Variants in PCNT observed in about 807,000 individuals in gnomAD.
PCNT encodes the protein pericentrin, also known as kendrin.
PCNT carries 319 observed loss-of-function variants against 380.4 expected under a neutral mutation model. That is an observed-to-expected ratio of 0.84 (90% CI 0.77 to 0.92). PCNT has a LOEUF of 0.92. PCNT is among the 40% of genes least tolerant of loss of function. The pLI, the probability that PCNT is intolerant of heterozygous loss-of-function variation, is 0.00. For synonymous variants in PCNT, 1,845 were observed against 1,735.2 expected (o/e 1.06, Z -1.57); for missense variants, 4,400 against 4,255.3 (o/e 1.03, Z -0.95).
At chr21:46,381,198 G>C (rs7282944) in intron 15 of PCNT, among the ~76,000 whole-genome samples, 34 of 216 alleles carry the variant, frequency 0.16, no homozygotes, top group African/African-American at 0.34. Flanking sequence ...AAAAATCTCT[G>C]TGTGTGTGTG....
At chr21:46,355,193 C>CT (rs909247712) in intron 11 of PCNT, among the ~76,000 whole-genome samples, 45 of 152,216 alleles carry the variant, frequency 3.0e-4, no homozygotes, top group Admixed American at 6.5e-4. Context: ...CCCTGCCGCC[C>CT]TGAGGAGCAC....
At chr21:46,343,315 C>T (rs2083961919) in intron 3 of PCNT, among the ~76,000 whole-genome samples, 1 of 152,014 alleles carries the variant, frequency 6.6e-6, no homozygotes, top group African/African-American at 2.4e-5. Context: ...CCTTCTATGC[C>T]GATTTTGCTG....
intron 15 of PCNT, among the ~76,000 whole-genome samples, chr21:46,374,676 C>G (rs2085274709): frequency 6.6e-6 from 1 of 152,018 alleles, no homozygotes; most frequent in Non-Finnish European, 1.5e-5. Context: ...ACAGAGAAAC[C>G]CTGTCTTTAC....
At chr21:46,431,066 G>T in intron 37 of PCNT, 1 of 985,494 alleles carries the variant, frequency 1.0e-6, no homozygotes, top group Non-Finnish European at 1.2e-6. Context: ...GTCTGTGCCA[G>T]TTCCATGGGT....
chr21:46,402,243 C>G (rs967343017), intron 26 of PCNT, 88 bp from the exon 27 acceptor site: 6 of 919,104 alleles, frequency 6.5e-6, no homozygotes, highest in Non-Finnish European at 9.8e-6. Flanking sequence ...TTAAATATCT[C>G]AAAGCTATTT....
At chr21:46,409,869 CAGACGTG>C (rs1470538223) in intron 27 of PCNT, among the ~76,000 whole-genome samples, 1 of 152,222 alleles carries the variant, frequency 6.6e-6, no homozygotes, top group Non-Finnish European at 1.5e-5. Flanking sequence ...GCTGGGGTTA[CAGACGTG>C]AGCCACCGCG....
chr21:46,443,790 G>A lies in PCNT; in HGVS notation c.9701-20G>A. On this transcript the variant is annotated intron_variant, in intron 44 of 46. Coordinates refer to ENST00000359568, the MANE Select transcript of PCNT (RefSeq NM_006031.6). ...CATTTATTTTCCTAATCCCTTGGTT[G>A]TTAAATAATTCTGGGGAAGGGCCCC... 6.2e-7 allele frequency: 1 copy of A among 1,613,468 alleles called. No individual in the cohort carries two copies. The highest frequency in any genetic ancestry group is 8.5e-7 in the Non-Finnish European group (1 of 1,179,634).
chr21:46,416,150 A>T lies in PCNT; in HGVS notation c.6232A>T (p.Asn2078Tyr). 1.9e-6 allele frequency: 3 copies of T among 1,614,172 alleles called. No individual in the cohort carries two copies. Among genetic ancestry groups the T allele is most frequent in the Non-Finnish European group, 2.5e-6 (3 of 1,180,022 alleles). The change falls in exon 30 of 47, where the codon AAC becomes TAC. Residue 2078 changes from asparagine to tyrosine, a missense_variant. Transcript: ENST00000359568. The part of the protein sequence containing the change: ...AQVKQLQEKL[N>Y]RLLYSMTFQN... ...GGTGAAACAGCTTCAGGAAAAACTG[A>T]ACCGTTTGCTGTATTCCATGACCTT...
At chr21:46,338,989 C>T (rs1000231015) in intron 3 of PCNT, among the ~76,000 whole-genome samples, 13 of 152,220 alleles carry the variant, frequency 8.5e-5, no homozygotes, top group Non-Finnish European at 1.3e-4. Flanking sequence ...ACCATGTTGG[C>T]CAGGCTGGTC....
Position 46,400,327 on chromosome 21 carries a change from T to C in PCNT, c.4791+531T>C, listed in dbSNP as rs2086378268. 2.0e-5 allele frequency among the ~76,000 whole-genome samples: 3 copies of C among 152,196 alleles called. No individual in the cohort carries two copies. The South Asian group carries it at 6.2e-4, about 31-fold the overall frequency. ...CATGGCTGGAGGGGGCAGGGCTGCC[T>C]GTCTGCATTTCTGGGTAGCGGCTGT... On this transcript the variant is annotated intron_variant, in intron 25 of 46. Coordinates refer to ENST00000359568, the MANE Select transcript of PCNT (RefSeq NM_006031.6).
chr21:46,362,099 C>T (rs1240047911), intron 13 of PCNT, among the ~76,000 whole-genome samples: 1 of 152,174 alleles, frequency 6.6e-6, no homozygotes, highest in African/African-American at 2.4e-5. Context: ...ACTGCATGCT[C>T]CCCTGCGTCT....
At chr21:46,424,063 G>A (rs2087385742) in intron 32 of PCNT, among the ~76,000 whole-genome samples, 2 of 152,188 alleles carry the variant, frequency 1.3e-5, no homozygotes, top group Admixed American at 6.5e-5. Context: ...ACTGAGTGGA[G>A]CTGGGTGCTT....
Position 46,353,937 on chromosome 21 carries a change from A to C in PCNT, c.1680-50A>C, listed in dbSNP as rs758469227. ...GTCCTGGGGAGGGAATGGCGCACAC[A>C]TGGAAAAGGGGTACGTGTGTAAAGC... On this transcript the variant is annotated intron_variant, in intron 10 of 46. Coordinates refer to ENST00000359568, the MANE Select transcript of PCNT (RefSeq NM_006031.6). 3 of 1,503,362 alleles carry C rather than the reference A, an allele frequency of 2.0e-6. No individual in the cohort carries two copies. In the African/African-American group the frequency reaches 4.1e-5, roughly 21 times the overall value. The allele number at this position is 1,503,362 out of a possible 1,614,324, so 93.1% of individuals were successfully genotyped here.
At chr21:46,444,552 G>A (rs937208173) in intron 45 of PCNT, 142 bp from the exon 46 acceptor site, 8 of 779,854 alleles carry the variant, frequency 1.0e-5, no homozygotes, top group Admixed American at 2.5e-5. Flanking sequence ...TGAAGGAAAC[G>A]GCCCCAGAGT....
intron 15 of PCNT, among the ~76,000 whole-genome samples, chr21:46,380,319 A>G (rs2085483322): frequency 1.3e-5 from 2 of 151,180 alleles, no homozygotes; most frequent in Non-Finnish European, 2.9e-5. Context: ...CCACCACCAC[A>G]CCCAGCTAAT....
chr21:46,410,179 G>A (rs889112731), intron 27 of PCNT, among the ~76,000 whole-genome samples: 2 of 152,250 alleles, frequency 1.3e-5, no homozygotes, highest in African/African-American at 4.8e-5. Flanking sequence ...TTCCTAGCCC[G>A]CAGCTGGGAG....
In PCNT at chr21:46,367,109, C is replaced by T. The variant is rs777459415; in HGVS notation, c.3135C>T (p.Thr1045=). The change falls in exon 15 of 47, where the codon ACC becomes ACT. Residue 1045 remains threonine (T), a synonymous_variant. Transcript: ENST00000359568. ...AAGTGAGCACAGAGCTCGCCGGAACCGTGGCTCACGAGCTGCAGGGAGTGC... is the reference window on the plus strand; with the variant it reads ...AAGTGAGCACAGAGCTCGCCGGAACTGTGGCTCACGAGCTGCAGGGAGTGC... ...RTEVSTELAG[T]VAHELQGVHQ... The T allele has an allele frequency of 1.5e-5, 24 of 1,613,240 alleles. No homozygotes were observed. The highest frequency in any genetic ancestry group is 2.0e-5 in the Non-Finnish European group (24 of 1,180,022).
chr21:46,337,824 C>T (rs932678309), intron 3 of PCNT, among the ~76,000 whole-genome samples: 20 of 152,018 alleles, frequency 1.3e-4, no homozygotes, highest in African/African-American at 4.6e-4. Context: ...TCAGGTGATC[C>T]GCCCCCACCT....
intron 29 of PCNT, 45 bp downstream of exon 29, chr21:46,413,037 G>A: frequency 6.3e-7 from 1 of 1,579,016 alleles, no homozygotes; most frequent in Non-Finnish European, 8.6e-7. Flanking sequence ...GGAGAGGCTG[G>A]ACACGCGGCA....
Sources: gnomAD v4.1 joint callset for allele counts (sites outside exome capture counted in the v4.1 genomes callset) on GRCh38, gnomAD v4.1.1 for gene constraint, MANE v1.5 for transcripts, NCBI Gene and HGNC (gene_info 2026-07-23, HGNC 2026-07-21) for gene names.